The following FSIP2 variants were observed in gnomAD, a reference collection of about 807,000 sequenced individuals.
FSIP2 encodes fibrous sheath-interacting protein 2.
In FSIP2, 367 loss-of-function variants were observed where a neutral mutation model predicts 510.5. That is an observed-to-expected ratio of 0.72 (90% CI 0.66 to 0.78). The LOEUF (loss-of-function observed/expected upper bound fraction) is 0.78. Ranked by LOEUF, FSIP2 falls within the 30% of genes least tolerant of loss-of-function variation. The probability of loss-of-function intolerance (pLI) is 0.00; values close to 1 mark genes in which losing one functional copy is unlikely to be tolerated. For synonymous variants in FSIP2, 2,601 were observed against 2,732.2 expected (o/e 0.95, Z 1.50); for missense variants, 7,594 against 7,901.7 (o/e 0.96, Z 1.48).
chr2:185,800,319 T>C lies in FSIP2; in HGVS notation c.11013T>C (p.Asn3671=), dbSNP rs1260001713. 6.5e-7 allele frequency: 1 copy of C among 1,533,270 alleles called. No homozygotes were observed. Among genetic ancestry groups the C allele is most frequent in the Admixed American group, 2.0e-5 (1 of 50,756 alleles). The allele number at this position is 1,533,270 out of a possible 1,614,324, so 95.0% of individuals were successfully genotyped here. Residue 3671 remains asparagine, a synonymous_variant, in exon 17 of 23, where the codon AAT becomes AAC. Transcript: ENST00000424728. The stretch of plus-strand genomic sequence containing the variant: ...AAATTGGTCAACTTTTTCAAAAAAA[T>C]AAGTTAAGTTATCTTGCATGTAAGT... ...TQQIGQLFQK[N]KLSYLACKLN...
At chr2:185,740,541 T>C (rs1049570561) in intron 2 of FSIP2, 2 of 152,168 alleles carry the variant, frequency 1.3e-5, no homozygotes, top group Non-Finnish European at 2.9e-5. Context: ...CAGAAATAAA[T>C]AGAACCCCTT....
rs1207212869 is a variant in FSIP2 at position 185,791,365 on chromosome 2, C to T, written c.4229C>T (p.Ala1410Val). Residue 1410 changes from alanine to valine, a missense_variant, in exon 16 of 23, where the codon GCT becomes GTT. Ala to Val is a moderately conservative substitution (Grantham distance 64). Coordinates refer to ENST00000424728, the MANE Select transcript of FSIP2 (RefSeq NM_173651.4). ...QDKKSFHKYL[A>V]TPCTHHSVNG... ...AAAAAATCTTTTCACAAATATTTGGCTACTCCTTGTACTCACCACAGTGTC... is the reference window on the plus strand; with the variant it reads ...AAAAAATCTTTTCACAAATATTTGGTTACTCCTTGTACTCACCACAGTGTC... 1 of 1,533,906 alleles carries T rather than the reference C, an allele frequency of 6.5e-7. No individual in the cohort carries two copies. Among genetic ancestry groups the T allele is most frequent in the Admixed American group, 2.0e-5 (1 of 50,822 alleles).
upstream of FSIP2, chr2:185,738,742 G>C (rs893296636): frequency 8.5e-6 from 13 of 1,535,886 alleles, no homozygotes; most frequent in Non-Finnish European, 1.1e-5. Flanking sequence ...CGCCCTTCTG[G>C]GGCCGCTACC....
In FSIP2 at chr2:185,806,404, T is replaced by C; in HGVS notation, c.17098T>C (p.Tyr5700His). 2 of 1,611,984 alleles carry C rather than the reference T, an allele frequency of 1.2e-6. No individual in the cohort carries two copies. Among genetic ancestry groups the C allele is most frequent in the African/African-American group, 2.7e-5 (2 of 74,904 alleles). Residue 5700 changes from tyrosine (Y) to histidine (H), a missense_variant, in exon 17 of 23, where the codon TAT (tyrosine) becomes CAT (histidine). By Grantham distance (83) the Tyr-to-His change is moderately conservative. Transcript: ENST00000424728. ...ELSSSPEPAYYSKLSYDQSPP... is the reference protein window; with the variant it reads ...ELSSSPEPAYHSKLSYDQSPP... ...ATCTTCTTCTCCAGAACCAGCATAT[T>C]ATTCGAAACTCAGTTATGACCAAAG...
intron 8 of FSIP2, among the ~76,000 whole-genome samples, chr2:185,754,865 C>T (rs532545851): frequency 4.0e-5 from 6 of 151,488 alleles, no homozygotes; most frequent in South Asian, 2.1e-4. Flanking sequence ...AAGCCAGTTT[C>T]GTTATCTGCA....
intron 9 of FSIP2, among the ~76,000 whole-genome samples, chr2:185,757,187 CA>C (rs1692261493): frequency 1.3e-5 from 2 of 151,436 alleles, no homozygotes; most frequent in South Asian, 2.1e-4. Flanking sequence ...GCAGTTATCT[CA>C]AGCAAACTGA....
intron 7 of FSIP2, among the ~76,000 whole-genome samples, chr2:185,751,052 TTCTACTG>T (rs1692136997): frequency 6.6e-6 from 1 of 151,574 alleles, no homozygotes; most frequent in South Asian, 2.1e-4. Context: ...AAAAACTTCT[TTCTACTG>T]TTGTTGGGTG....
chr2:185,822,932 G>A (rs570884792), intron 19 of FSIP2, among the ~76,000 whole-genome samples: 7 of 151,768 alleles, frequency 4.6e-5, no homozygotes, highest in Non-Finnish European at 8.8e-5. Context: ...TTTACCAAGG[G>A]TACCAAGACC....
At chr2:185,761,886 T>C in intron 10 of FSIP2, 86 bp from the exon 11 acceptor site, 9 of 681,922 alleles carry the variant, frequency 1.3e-5, no homozygotes, top group Admixed American at 5.2e-5. Flanking sequence ...ACATCTGTAT[T>C]CATTGGTTAA....
chr2:185,808,193 C>T lies in FSIP2; in HGVS notation c.18887C>T (p.Ser6296Phe), dbSNP rs1352288580. Residue 6296 changes from serine (S) to phenylalanine (F), a missense_variant, in exon 17 of 23, where the codon TCT (serine) becomes TTT (phenylalanine). Coordinates refer to ENST00000424728, the MANE Select transcript of FSIP2 (RefSeq NM_173651.4). Reference protein sequence around the residue: ...GFLMVNAISNSEFQPQVEEEV... With the variant: ...GFLMVNAISNFEFQPQVEEEV... ...TTAATGGTGAATGCAATTTCGAATTCTGAATTTCAACCTCAAGTAGAGGAA... is the reference window on the plus strand; with the variant it reads ...TTAATGGTGAATGCAATTTCGAATTTTGAATTTCAACCTCAAGTAGAGGAA... The T allele has an allele frequency of 6.2e-7, 1 of 1,611,710 alleles. No homozygotes were observed. Among genetic ancestry groups the T allele is most frequent in the East Asian group, 2.2e-5 (1 of 44,718 alleles).
At position 185,795,972 on chromosome 2, in the gene FSIP2, T is replaced by C; in HGVS notation, c.8836T>C (p.Ser2946Pro). Residue 2946 changes from serine (S) to proline (P), a missense_variant, in exon 16 of 23, where the codon TCA becomes CCA. By Grantham distance (74) the Ser-to-Pro change is moderately conservative (BLOSUM62 -1). Coordinates refer to ENST00000424728, the MANE Select transcript of FSIP2 (RefSeq NM_173651.4). ...IPTPDSEETL[S>P]NSKEHITAKS... Reference sequence around the variant, plus strand: ...CACTCCAGATAGTGAAGAAACTCTATCAAACAGTAAAGAACACATTACTGC... The same window carrying C: ...CACTCCAGATAGTGAAGAAACTCTACCAAACAGTAAAGAACACATTACTGC... 6.5e-7 allele frequency: 1 copy of C among 1,534,824 alleles called. No individual in the cohort carries two copies.
In FSIP2 at chr2:185,795,623, C is replaced by T; in HGVS notation, c.8487C>T (p.His2829=). The change falls in exon 16 of 23, where the codon CAC becomes CAT. Residue 2829 remains histidine, a synonymous_variant. Coordinates refer to ENST00000424728, the MANE Select transcript of FSIP2 (RefSeq NM_173651.4). ...AGAATGTTTCTTCACAGCTAGAGCA[C>T]ATTTTTCCTAGAGAAGGTATATTTA... The part of the protein sequence containing the change: ...YLENVSSQLE[H]IFPREGIFKK... 5 of 1,534,858 alleles carry T rather than the reference C, an allele frequency of 3.3e-6. No individual in the cohort carries two copies. The highest frequency in any genetic ancestry group is 4.4e-6 in the Non-Finnish European group (5 of 1,146,016).
chr2:185,783,942 C>CT (rs1366388930), intron 14 of FSIP2: 14 of 152,254 alleles, frequency 9.2e-5, no homozygotes, highest in African/African-American at 3.4e-4. Flanking sequence ...ATAAAGAACT[C>CT]TATACCTTAC....
At position 185,793,842 on chromosome 2, in the gene FSIP2, G is replaced by A. The variant is rs2105620903; in HGVS notation, c.6706G>A (p.Glu2236Lys). The part of the protein sequence containing the change: ...DDNQITVVEK[E>K]DTQKSATDSC... ...TAATCAGATAACTGTAGTAGAGAAAGAAGACACTCAGAAATCTGCTACTGA... is the reference window on the plus strand; with the variant it reads ...TAATCAGATAACTGTAGTAGAGAAAAAAGACACTCAGAAATCTGCTACTGA... The change falls in exon 16 of 23, where the codon GAA (glutamate) becomes AAA (lysine). Residue 2236 changes from glutamate (E) to lysine (K), a missense_variant. Coordinates refer to ENST00000424728, the MANE Select transcript of FSIP2 (RefSeq NM_173651.4). 1 of 1,531,994 alleles carries A rather than the reference G, an allele frequency of 6.5e-7. No individual in the cohort carries two copies. Among genetic ancestry groups the A allele is most frequent in the East Asian group, 2.4e-5 (1 of 40,832 alleles). 94.9% of individuals were successfully genotyped at this position (1,531,994 alleles called of 1,614,324 possible). A position where few individuals can be genotyped will look rare whatever the true frequency, so the allele number is the denominator to read the frequency against.
rs1012952540 is a variant in FSIP2 at position 185,802,000 on chromosome 2, C to CA, written c.12700dup (p.Ser4234LysfsTer11). The CA allele has an allele frequency of 6.6e-7, 1 of 1,522,942 alleles. No individual in the cohort carries two copies. The highest frequency in any genetic ancestry group is 8.8e-7 in the Non-Finnish European group (1 of 1,141,388). 94.3% of individuals were successfully genotyped at this position (1,522,942 alleles called of 1,614,324 possible). ...AATGTCTGACTCTCTTGTTTCAATA[C>CA]AAAAAAGTATAGTAAGCCGAAGCCC... On this transcript the variant is annotated frameshift_variant, in exon 17 of 23. Coordinates refer to ENST00000424728, the MANE Select transcript of FSIP2 (RefSeq NM_173651.4). LOFTEE classifies it high-confidence loss of function.
intron 9 of FSIP2, among the ~76,000 whole-genome samples, chr2:185,757,970 C>A (rs1381753883): frequency 6.6e-6 from 1 of 150,918 alleles, no homozygotes; most frequent in Non-Finnish European, 1.5e-5. Context: ...ACTAATAATC[C>A]CAGATTACCT....
chr2:185,742,648 A>G (rs1420226257), intron 2 of FSIP2, among the ~76,000 whole-genome samples: 1 of 152,170 alleles, frequency 6.6e-6, no homozygotes, highest in Non-Finnish European at 1.5e-5. Context: ...TACTTCTACT[A>G]TTTGTTAAAG....
rs762581456 is a variant in FSIP2 at position 185,807,613 on chromosome 2, C to T, written c.18307C>T (p.Gln6103Ter). The T allele has an allele frequency of 6.2e-7, 1 of 1,612,758 alleles. No homozygotes were observed. Among genetic ancestry groups the T allele is most frequent in the South Asian group, 1.1e-5 (1 of 91,024 alleles). Residue 6103 changes from glutamine (Q) to a stop codon, truncating the protein, a stop_gained, in exon 17 of 23, where the codon CAA becomes TAA. Transcript: ENST00000424728. LOFTEE classifies it high-confidence loss of function. ...ACAGTTTGGATCACAAGAGATTATACAAAATTGTGTAACCAGTGGATGCAA... is the reference window on the plus strand; with the variant it reads ...ACAGTTTGGATCACAAGAGATTATATAAAATTGTGTAACCAGTGGATGCAA... ...LPQFGSQEII[Q>*]NCVTSGCKIL...
At position 185,789,593 on chromosome 2, in the gene FSIP2, T is replaced by C. The variant is rs1238921878; in HGVS notation, c.2457T>C (p.Ile819=). 1.3e-6 allele frequency: 2 copies of C among 1,535,010 alleles called. No homozygotes were observed. Among genetic ancestry groups the C allele is most frequent in the Admixed American group, 3.9e-5 (2 of 50,884 alleles). ...ATACTTTGGACCCAATGTGTGATAT[T>C]GCAGAGGACATGGTGCATGCCATTT... ...MPHTLDPMCD[I]AEDMVHAILE... The change falls in exon 16 of 23, where the codon ATT becomes ATC. Residue 819 remains isoleucine, a synonymous_variant. Transcript: ENST00000424728.
Sources: gnomAD v4.1 joint callset for allele counts (sites outside exome capture counted in the v4.1 genomes callset) on GRCh38, gnomAD v4.1.1 for gene constraint, MANE v1.5 for transcripts, NCBI Gene and HGNC (gene_info 2026-07-23, HGNC 2026-07-21) for gene names.